STK3: variants seen among roughly 807,000 people sequenced by gnomAD.
STK3 encodes the protein serine/threonine-protein kinase 3.
Under a neutral mutation model 58.0 loss-of-function variants are expected in STK3, and 41 were observed. The observed-to-expected ratio is 0.71, with a 90% CI of 0.55 to 0.92. The LOEUF (loss-of-function observed/expected upper bound fraction) is 0.92, where lower values mean the gene tolerates loss of function less well. Among genes scored for constraint, STK3 ranks in the 40% least tolerant of loss-of-function variants. The pLI, the probability that STK3 is intolerant of heterozygous loss-of-function variation, is 0.00. For synonymous variants in STK3, 170 were observed against 191.0 expected, an observed-to-expected ratio of 0.89 and a Z score of 0.91; for missense variants, 479 against 602.7, an observed-to-expected ratio of 0.79 and a Z score of 2.15.
In STK3 at chr8:98,520,238, A is replaced by G. The variant is rs761628436; in HGVS notation, c.1317+6504T>C. Among the ~76,000 whole-genome samples, 3 of 152,288 alleles carry G rather than the reference A, an allele frequency of 2.0e-5. 1 individual carries two copies. In the South Asian group the frequency reaches 6.2e-4, roughly 32 times the overall value. On this transcript the variant is annotated intron_variant, in intron 10 of 10. Transcript: ENST00000419617. ...AACATAACTTTTTTCCGGTAGGGTTAAAAATAATTCAATTAGCCCAAATAT... is the reference window on the plus strand; with the variant it reads ...AACATAACTTTTTTCCGGTAGGGTTGAAAATAATTCAATTAGCCCAAATAT...
At chr8:98,691,271 T>C (rs1432781632) in intron 6 of STK3, among the ~76,000 whole-genome samples, 1 of 152,190 alleles carries the variant, frequency 6.6e-6, no homozygotes, top group Non-Finnish European at 1.5e-5. Flanking sequence ...CCAAAGAATA[T>C]GAAATGCTGA....
chr8:98,427,683 C>G (rs967809246), intron 3 of STK3: 18 of 283,326 alleles, frequency 6.4e-5, no homozygotes, highest in Non-Finnish European at 1.1e-4. Flanking sequence ...CCCCTGGGCG[C>G]TCAGAGCCGC....
intron 6 of STK3, among the ~76,000 whole-genome samples, chr8:98,639,912 A>C (rs764997601): frequency 6.6e-6 from 1 of 152,138 alleles, no homozygotes; most frequent in African/African-American, 2.4e-5. Context: ...GGAGTTCAAG[A>C]CTAGCCTGGC....
intron 6 of STK3, among the ~76,000 whole-genome samples, chr8:98,695,177 G>A (rs867725716): frequency 3.9e-5 from 6 of 152,114 alleles, no homozygotes; most frequent in South Asian, 4.1e-4. Flanking sequence ...CATGTCCTTC[G>A]CCCACTTTTT....
intron 4 of STK3, among the ~76,000 whole-genome samples, chr8:98,745,260 T>G (rs1829565326): frequency 6.6e-6 from 1 of 152,240 alleles, no homozygotes; most frequent in Non-Finnish European, 1.5e-5. Flanking sequence ...AAAACATTAT[T>G]TCTGTTTGTT....
At position 98,428,020 on chromosome 8, in the gene STK3, T is replaced by G; in HGVS notation, n.483+6107A>C. On this transcript the variant is annotated intron_variant and non_coding_transcript_variant, in intron 3 of 3. Transcript: ENST00000517832. This position sits in a 1 kb window ranked among gnomAD's most constrained non-coding sequence, Gnocchi z 6.7. ...CTGTGGGACGTGTCGGAGGCTAACG[T>G]CGAGGACGGGGAGATCCGCATCAAT... The G allele has an allele frequency of 6.3e-7, 1 of 1,598,496 alleles. No homozygotes were observed. The highest frequency in any genetic ancestry group is 8.5e-7 in the Non-Finnish European group (1 of 1,171,636).
At chr8:98,707,050 T>A (rs1193210769) in intron 5 of STK3, 97 bp downstream of exon 5, 13 of 1,308,216 alleles carry the variant, frequency 9.9e-6, no homozygotes, top group Non-Finnish European at 1.2e-5. Flanking sequence ...AACTACACAT[T>A]TCTTTCCATT....
chr8:98,718,908 G>C (rs888692148), intron 4 of STK3, among the ~76,000 whole-genome samples: 3 of 151,884 alleles, frequency 2.0e-5, no homozygotes, highest in African/African-American at 4.8e-5. Context: ...CACTAGAAAG[G>C]GTCCACAAGA....
chr8:98,440,491 G>C (rs1403607381), intron 1 of STK3, among the ~76,000 whole-genome samples: 2 of 152,062 alleles, frequency 1.3e-5, no homozygotes, highest in Non-Finnish European at 2.9e-5. Flanking sequence ...TCTGTGCCCA[G>C]TAAACAATAG....
At chr8:98,660,931 A>G (rs1821922257) in intron 6 of STK3, among the ~76,000 whole-genome samples, 1 of 152,110 alleles carries the variant, frequency 6.6e-6, no homozygotes, top group African/African-American at 2.4e-5. Flanking sequence ...GAGAGAATTC[A>G]CTGCTAGCAG....
intron 6 of STK3, among the ~76,000 whole-genome samples, chr8:98,688,223 A>T (rs1444454922): frequency 6.6e-6 from 1 of 152,240 alleles, no homozygotes; most frequent in Non-Finnish European, 1.5e-5. Context: ...AGACTTAACT[A>T]TCCTTAAATA....
intron 2 of STK3, among the ~76,000 whole-genome samples, chr8:98,375,285 A>C (rs1166617977): frequency 6.6e-6 from 1 of 151,668 alleles, no homozygotes; most frequent in African/African-American, 2.4e-5. Context: ...AAAAAACAAA[A>C]AAAAAAACCT....
At chr8:98,733,915 T>C (rs1172865229) in intron 4 of STK3, among the ~76,000 whole-genome samples, 2 of 152,188 alleles carry the variant, frequency 1.3e-5, no homozygotes, top group Admixed American at 6.5e-5. Context: ...CTGGGTAATT[T>C]AGAAGAAAAG....
intron 1 of STK3, among the ~76,000 whole-genome samples, chr8:98,933,393 G>A (rs572702230): frequency 6.6e-6 from 1 of 152,346 alleles, no homozygotes; most frequent in South Asian, 2.1e-4. Context: ...GCTTACAGAT[G>A]TGTGTAAATC....
At chr8:98,404,125 C>G (rs895056565) in intron 3 of STK3, among the ~76,000 whole-genome samples, 5 of 152,184 alleles carry the variant, frequency 3.3e-5, no homozygotes, top group African/African-American at 1.2e-4. Flanking sequence ...ATATTGCCTC[C>G]ATTTACAGCG....
At chr8:98,356,769 C>T in the STK3 span, among the ~76,000 whole-genome samples, 5 of 152,162 alleles carry the variant, frequency 3.3e-5, no homozygotes, top group African/African-American at 1.2e-4. Flanking sequence ...ATAGGTTAGG[C>T]GTTACTTTCA....
In STK3 at chr8:98,623,794, A is replaced by G. The variant is rs139868565; in HGVS notation, c.685-27625T>C. Among the ~76,000 whole-genome samples the G allele has an allele frequency of 8.4e-3, 1,274 of 152,266 alleles. 11 individuals carry two copies. The highest frequency in any genetic ancestry group is 0.029 in the African/African-American group (1,198 of 41,546). On this transcript the variant is annotated intron_variant, in intron 6 of 10. Coordinates refer to ENST00000419617, the MANE Select transcript of STK3 (RefSeq NM_006281.4). ...GCAAGACCCTGCCTCAAACAAAAAC[A>G]AAAACCCAAAGGCCATGTGAGAACA...
intron 6 of STK3, among the ~76,000 whole-genome samples, chr8:98,696,283 A>C (rs972029853): frequency 1.2e-4 from 19 of 152,130 alleles, no homozygotes; most frequent in Non-Finnish European, 1.9e-4. Flanking sequence ...TTCTAGATAT[A>C]CAATCATGTC....
At chr8:98,561,165 T>C (rs530780393) in intron 8 of STK3, among the ~76,000 whole-genome samples, 6 of 152,212 alleles carry the variant, frequency 3.9e-5, no homozygotes, top group Admixed American at 1.3e-4. Context: ...TGATGTATCA[T>C]TGAAACAGAA....
Sources: gnomAD v4.1 joint callset for allele counts (sites outside exome capture counted in the v4.1 genomes callset) on GRCh38, gnomAD v4.1.1 for gene constraint, Gnocchi (gnomAD v3.1) non-coding constraint, MANE v1.5 for transcripts, NCBI Gene and HGNC (gene_info 2026-07-23, HGNC 2026-07-21) for gene names.